The following MYO1E variants were observed in gnomAD, a reference collection of about 807,000 sequenced individuals.
The protein encoded by MYO1E is myosin IE.
A neutral mutation model predicts 151.1 loss-of-function variants in MYO1E; 68 were observed. The ratio of observed to expected loss-of-function variants is 0.45; its 90% CI spans 0.37 to 0.55. The LOEUF is 0.55. Among genes scored for constraint, MYO1E ranks in the 20% least tolerant of loss-of-function variants. The pLI is 0.00. For synonymous variants in MYO1E, 601 were observed against 501.7 expected (o/e 1.20, Z -2.64); for missense variants, 1,363 against 1,389.3 (o/e 0.98, Z 0.30).
chr15:59,144,586 C>T (rs1212302088), intron 26 of MYO1E, among the ~76,000 whole-genome samples: 1 of 152,102 alleles, frequency 6.6e-6, no homozygotes, highest in African/African-American at 2.4e-5. Flanking sequence ...TAAGCCACCG[C>T]ACCGGGTTCC....
chr15:59,359,324 A>AT lies in MYO1E; in HGVS notation c.3+13173dup, dbSNP rs1297747310. Among the ~76,000 whole-genome samples, 544 of 138,540 alleles carry AT rather than the reference A, an allele frequency of 3.9e-3. 1 individual carries two copies. Among genetic ancestry groups the AT allele is most frequent in the South Asian group, 0.01 (47 of 4,516 alleles). 90.9% of individuals were successfully genotyped at this position (138,540 alleles called of 152,430 possible). ...GTGTATATATATATAATATATATAT[A>AT]TATTTTTTTTTTTAATTAGCTAGGC... is the stretch of plus-strand genomic sequence containing the variant. On this transcript the variant is annotated intron_variant, in intron 1 of 27. Transcript: ENST00000288235.
intron 4 of MYO1E, among the ~76,000 whole-genome samples, chr15:59,245,636 C>G (rs1011466805): frequency 6.6e-6 from 1 of 152,184 alleles, no homozygotes; most frequent in Non-Finnish European, 1.5e-5. Context: ...AAAGTAGAAA[C>G]AGCACCAAAT....
At chr15:59,272,138 T>C (rs1234515977) in intron 2 of MYO1E, 168 bp downstream of exon 2, 9 of 683,516 alleles carry the variant, frequency 1.3e-5, no homozygotes, top group Admixed American at 7.9e-5. Flanking sequence ...TTTTTTATAA[T>C]AGAGATGGGG....
chr15:59,347,292 T>C (rs1373561513), intron 1 of MYO1E, among the ~76,000 whole-genome samples: 3 of 152,186 alleles, frequency 2.0e-5, no homozygotes, highest in African/African-American at 7.2e-5. Flanking sequence ...GAGAATCTAA[T>C]ACCGATTATC....
intron 1 of MYO1E, among the ~76,000 whole-genome samples, chr15:59,285,084 A>AT (rs1400800922): frequency 1.3e-5 from 2 of 152,202 alleles, no homozygotes; most frequent in African/African-American, 2.4e-5. Flanking sequence ...GCTCTTAGAC[A>AT]TTCGGTAATA....
At position 59,135,790 on chromosome 15, in the gene MYO1E, A is replaced by AC. The variant is rs758298005; in HGVS notation, c.*1589dup. 1 of 152,236 alleles carries AC rather than the reference A, an allele frequency of 6.6e-6. No individual in the cohort carries two copies. The highest frequency in any genetic ancestry group is 1.5e-5 in the Non-Finnish European group (1 of 68,050). The allele number at this position is 152,236 out of a possible 1,614,324, so 9.4% of individuals were successfully genotyped here. A position where few individuals can be genotyped will look rare whatever the true frequency, so the allele number is the denominator to read the frequency against. On this transcript the variant is annotated 3_prime_UTR_variant, in exon 28 of 28. Coordinates refer to ENST00000288235, the MANE Select transcript of MYO1E (RefSeq NM_004998.4). ...GTGTATGCTGCTCAAACTCTAAGTT[A>AC]CCAGTAGCTTAAGAATGGCTATGGC...
At chr15:59,201,624 G>C (rs1382987184) in intron 16 of MYO1E, among the ~76,000 whole-genome samples, 1 of 152,048 alleles carries the variant, frequency 6.6e-6, no homozygotes, top group Non-Finnish European at 1.5e-5. Context: ...GGCTGGTCTT[G>C]AACTCCTGAC....
At chr15:59,314,406 C>T (rs954757889) in intron 1 of MYO1E, among the ~76,000 whole-genome samples, 4 of 152,196 alleles carry the variant, frequency 2.6e-5, no homozygotes, top group African/African-American at 9.7e-5. Context: ...ATCCCTCCTT[C>T]CCACATACTG....
chr15:59,293,835 G>A (rs1229383861), intron 1 of MYO1E, among the ~76,000 whole-genome samples: 1 of 152,108 alleles, frequency 6.6e-6, no homozygotes, highest in Admixed American at 6.5e-5. Context: ...TTGAGCCTAG[G>A]AGTTTGAGAC....
chr15:59,236,414 AC>A (rs2080066502), intron 5 of MYO1E, among the ~76,000 whole-genome samples, 170 bp downstream of exon 5: 1 of 148,178 alleles, frequency 6.7e-6, no homozygotes, highest in South Asian at 2.1e-4. Context: ...ACACACACAC[AC>A]ACACAAACAC....
chr15:59,317,882 A>T (rs2080599229), intron 1 of MYO1E, among the ~76,000 whole-genome samples: 2 of 152,176 alleles, frequency 1.3e-5, no homozygotes, highest in Non-Finnish European at 2.9e-5. Context: ...ACATAACCTC[A>T]TAAGGCAGGC....
intron 19 of MYO1E, among the ~76,000 whole-genome samples, chr15:59,175,871 G>T (rs1427016333): frequency 6.6e-6 from 1 of 151,974 alleles, no homozygotes; most frequent in Non-Finnish European, 1.5e-5. Context: ...AGCCCAGGGG[G>T]TTAGAAATTA....
At chr15:59,369,613 AGGG>A (rs2080933282) in intron 1 of MYO1E, among the ~76,000 whole-genome samples, 2 of 152,192 alleles carry the variant, frequency 1.3e-5, no homozygotes, top group African/African-American at 2.4e-5. Context: ...AAAGATGTGC[AGGG>A]TTTTTTTTAA....
chr15:59,218,689 C>T (rs75962955), intron 9 of MYO1E, among the ~76,000 whole-genome samples: 11,981 of 152,194 alleles, frequency 0.079, 634 homozygotes, highest in Non-Finnish European at 0.12. Context: ...ATAAAGAACC[C>T]TTGGAAAAGC....
At position 59,218,045 on chromosome 15, in the gene MYO1E, C is replaced by G; in HGVS notation, c.953G>C (p.Arg318Pro). The change falls in exon 10 of 28, where the codon CGG (arginine) becomes CCG (proline). Residue 318 changes from arginine to proline, a missense_variant. Coordinates refer to ENST00000288235, the MANE Select transcript of MYO1E (RefSeq NM_004998.4). ...PAYLLGINQD[R>P]LKEKLTSRQM... Reference sequence around the variant, plus strand: ...CCGGCTTGTTAGCTTTTCTTTCAACCGGTCCTGGTTTATCCCTAGCAGATA... The same window carrying G: ...CCGGCTTGTTAGCTTTTCTTTCAACGGGTCCTGGTTTATCCCTAGCAGATA... 1.9e-6 allele frequency: 3 copies of G among 1,614,200 alleles called. No homozygotes were observed. The highest frequency in any genetic ancestry group is 2.5e-6 in the Non-Finnish European group (3 of 1,180,032).
In MYO1E at chr15:59,173,828, T is replaced by C. The variant is rs1326852614; in HGVS notation, c.2252A>G (p.His751Arg). ...FIGDYIGMEE[H>R]PELQQFVGKR... The stretch of plus-strand genomic sequence containing the variant: ...GCCCACGAACTGCTGGAGTTCTGGG[T>C]GCTCTTCCATCCCAATATAATCCCC... Residue 751 changes from histidine to arginine, a missense_variant, in exon 21 of 28, where the codon CAC (histidine) becomes CGC (arginine). Physicochemically the swap from His to Arg is conservative, Grantham distance 29. Transcript: ENST00000288235. 2 of 1,614,076 alleles carry C rather than the reference T, an allele frequency of 1.2e-6. No individual in the cohort carries two copies. Among genetic ancestry groups the C allele is most frequent in the Admixed American group, 3.3e-5 (2 of 60,016 alleles).
chr15:59,213,417 C>A (rs910234418), intron 12 of MYO1E, among the ~76,000 whole-genome samples: 1 of 151,904 alleles, frequency 6.6e-6, no homozygotes, highest in Non-Finnish European at 1.5e-5. Context: ...GTGATCTGCC[C>A]GTCTCGGCCT....
intron 22 of MYO1E, among the ~76,000 whole-genome samples, chr15:59,169,186 A>T (rs2079578015): frequency 6.6e-6 from 1 of 152,222 alleles, no homozygotes; most frequent in African/African-American, 2.4e-5. Context: ...TACTTTGATA[A>T]ATCGTAACTA....
rs201038406 is a variant in MYO1E, at chr15:59,161,098, G to T, written c.2760C>A (p.Ile920=). 2.5e-6 allele frequency: 4 copies of T among 1,613,764 alleles called. No individual in the cohort carries two copies. In the South Asian group the frequency reaches 4.4e-5, roughly 18 times the overall value. Residue 920 remains isoleucine (I), a synonymous_variant, in exon 24 of 28, where the codon ATC becomes ATA. Transcript: ENST00000288235. ...GGGAGTTCTTGGGCAGTCCAGGTCCGATGCTGACCTGCAGCACTTTGTTAC... is the reference window on the plus strand; with the variant it reads ...GGGAGTTCTTGGGCAGTCCAGGTCCTATGCTGACCTGCAGCACTTTGTTAC... ...KPSNKVLQVS[I]GPGLPKNSRP...
Sources: allele counts gnomAD v4.1 joint callset (sites outside exome capture counted in the v4.1 genomes callset), GRCh38; gene constraint gnomAD v4.1.1; transcripts MANE v1.5; gene names NCBI Gene and HGNC (gene_info 2026-07-23, HGNC 2026-07-21).